The following HAO1 variants were observed in gnomAD, a reference collection of about 807,000 sequenced individuals.
The protein encoded by HAO1 is hydroxyacid oxidase 1.
Under a neutral mutation model 39.7 loss-of-function variants are expected in HAO1, and 34 were observed. The observed-to-expected ratio is 0.86, with a 90% CI of 0.65 to 1.14. The LOEUF (loss-of-function observed/expected upper bound fraction) is 1.14, where lower values mean the gene tolerates loss of function less well. Ranked by LOEUF, HAO1 falls within the 50% of genes most tolerant of loss-of-function variation. The pLI, the probability that HAO1 is intolerant of heterozygous loss-of-function variation, is 0.00. For synonymous variants in HAO1, 172 were observed against 173.2 expected, an observed-to-expected ratio of 0.99 and a Z score of 0.05; for missense variants, 479 against 464.5, an observed-to-expected ratio of 1.03 and a Z score of -0.29.
intron 2 of HAO1, among the ~76,000 whole-genome samples, chr20:7,916,198 G>C (rs184865074): frequency 6.6e-6 from 1 of 152,072 alleles, no homozygotes; most frequent in Non-Finnish European, 1.5e-5. Context: ...TAAAATTGGA[G>C]TCAGCCTTAG....
At chr20:7,925,796 A>G (rs1279490361) in intron 2 of HAO1, among the ~76,000 whole-genome samples, 1 of 152,146 alleles carries the variant, frequency 6.6e-6, no homozygotes, top group Non-Finnish European at 1.5e-5. Flanking sequence ...CTCTCAAGAA[A>G]GCCACCCAAT....
At chr20:7,914,483 T>TGTA (rs1318790835) in intron 2 of HAO1, 64 bp from the exon 3 acceptor site, 2 of 1,557,252 alleles carry the variant, frequency 1.3e-6, no homozygotes, top group East Asian at 2.3e-5. Context: ...ACCTTTGAAT[T>TGTA]GTAGTTGGAT....
chr20:7,920,947 G>A (rs2205817), intron 2 of HAO1, among the ~76,000 whole-genome samples: 87,896 of 151,932 alleles, frequency 0.58, 29,286 homozygotes, highest in East Asian at 0.99. Context: ...AAGGAATTGT[G>A]TGAAACTAAA....
At chr20:7,888,476 A>C (rs1459677788) in intron 5 of HAO1, among the ~76,000 whole-genome samples, 1 of 152,186 alleles carries the variant, frequency 6.6e-6, no homozygotes, top group East Asian at 1.9e-4. Flanking sequence ...AAATCAAAAT[A>C]GTTTAAAATA....
intron 5 of HAO1, among the ~76,000 whole-genome samples, chr20:7,890,883 C>A (rs1399421592): frequency 6.6e-6 from 1 of 152,092 alleles, no homozygotes; most frequent in South Asian, 2.1e-4. Context: ...TAATTCATTC[C>A]TTTTTATGGC....
chr20:7,929,873 G>A (rs1049028875), intron 2 of HAO1, among the ~76,000 whole-genome samples: 1 of 152,082 alleles, frequency 6.6e-6, no homozygotes, highest in Non-Finnish European at 1.5e-5. Flanking sequence ...AAAAAAATAA[G>A]AGTCGAGCTC....
At chr20:7,894,212 T>A (rs1243010684) in intron 5 of HAO1, among the ~76,000 whole-genome samples, 1 of 152,054 alleles carries the variant, frequency 6.6e-6, no homozygotes, top group Non-Finnish European at 1.5e-5. Context: ...TGGCTTCGGA[T>A]CCATTTCTGG....
At chr20:7,894,681 A>C (rs1486283033) in intron 5 of HAO1, among the ~76,000 whole-genome samples, 1 of 152,136 alleles carries the variant, frequency 6.6e-6, no homozygotes, top group Non-Finnish European at 1.5e-5. Flanking sequence ...GCCACCCCAC[A>C]GGAAATTCTG....
intron 5 of HAO1, among the ~76,000 whole-genome samples, chr20:7,894,426 C>T (rs553865983): frequency 6.6e-6 from 1 of 152,256 alleles, no homozygotes; most frequent in Non-Finnish European, 1.5e-5. Flanking sequence ...ACATTGGAAT[C>T]TCCTGATAGC....
At chr20:7,914,011 G>A (rs1342192610) in intron 3 of HAO1, among the ~76,000 whole-genome samples, 153 bp downstream of exon 3, 2 of 152,234 alleles carry the variant, frequency 1.3e-5, no homozygotes, top group South Asian at 2.1e-4. Flanking sequence ...TTTCTATTGT[G>A]TATCTCAAAA....
chr20:7,924,081 A>T (rs141654338), intron 2 of HAO1, among the ~76,000 whole-genome samples: 61 of 152,214 alleles, frequency 4.0e-4, no homozygotes, highest in African/African-American at 1.3e-3. Context: ...ACATTTGTTT[A>T]TGTATTCTTC....
intron 4 of HAO1, among the ~76,000 whole-genome samples, chr20:7,901,418 C>A (rs942007214): frequency 6.6e-6 from 1 of 152,024 alleles, no homozygotes; most frequent in East Asian, 1.9e-4. Flanking sequence ...GGAATTATAC[C>A]AAATCTACTC....
At chr20:7,888,434 T>C (rs1320448826) in intron 5 of HAO1, among the ~76,000 whole-genome samples, 2 of 152,146 alleles carry the variant, frequency 1.3e-5, no homozygotes, top group African/African-American at 4.8e-5. Context: ...TACTCTTGAT[T>C]TTTGACATTT....
chr20:7,917,337 GT>G lies in HAO1; in HGVS notation c.290-2919del, dbSNP rs1463604056. On this transcript the variant is annotated intron_variant, in intron 2 of 7. Coordinates refer to ENST00000378789, the MANE Select transcript of HAO1 (RefSeq NM_017545.3). Reference sequence around the variant, plus strand: ...CCTGGATGACAGAATGAGACTCCCTGTCAAAAAAAAAAAAAAAAAAAAAGTC... The same window carrying G: ...CCTGGATGACAGAATGAGACTCCCTGCAAAAAAAAAAAAAAAAAAAAAGTC... Among the ~76,000 whole-genome samples the G allele has an allele frequency of 1.5e-4, 15 of 99,334 alleles. No homozygotes were observed. In the Admixed American group the frequency reaches 1.5e-3, roughly 10 times the overall value. 65.2% of individuals were successfully genotyped at this position (99,334 alleles called of 152,430 possible).
At chr20:7,935,601 T>G (rs1409519204) in intron 1 of HAO1, among the ~76,000 whole-genome samples, 1 of 152,218 alleles carries the variant, frequency 6.6e-6, no homozygotes, top group African/African-American at 2.4e-5. Flanking sequence ...TCAAAAATGT[T>G]ATTTGACAAA....
At chr20:7,907,857 T>C (rs2050255902) in intron 3 of HAO1, among the ~76,000 whole-genome samples, 1 of 152,150 alleles carries the variant, frequency 6.6e-6, no homozygotes, top group Non-Finnish European at 1.5e-5. Context: ...TCCTGTGACT[T>C]ATCTGCCCAC....
intron 4 of HAO1, among the ~76,000 whole-genome samples, chr20:7,899,992 A>G (rs1179119681): frequency 6.6e-6 from 1 of 152,154 alleles, no homozygotes; most frequent in Non-Finnish European, 1.5e-5. Flanking sequence ...AAAAATAAGT[A>G]CTCAAGTACT....
intron 2 of HAO1, among the ~76,000 whole-genome samples, chr20:7,921,261 A>G (rs185609358): frequency 6.6e-6 from 1 of 152,302 alleles, no homozygotes; most frequent in East Asian, 1.9e-4. Flanking sequence ...TCAACATGAC[A>G]AAACAGATAA....
chr20:7,914,007 T>C (rs549024310), intron 3 of HAO1, among the ~76,000 whole-genome samples, 157 bp downstream of exon 3: 2 of 152,298 alleles, frequency 1.3e-5, no homozygotes, highest in Admixed American at 6.5e-5. Context: ...TCTGTTTCTA[T>C]TGTGTATCTC....
Sources: gnomAD v4.1 joint callset for allele counts (sites outside exome capture counted in the v4.1 genomes callset) on GRCh38, gnomAD v4.1.1 for gene constraint, MANE v1.5 for transcripts, NCBI Gene and HGNC (gene_info 2026-07-23, HGNC 2026-07-21) for gene names.